Variants in LAMC2 observed in about 807,000 individuals in gnomAD.
LAMC2 encodes the protein laminin subunit gamma 2, also known as laminin subunit gamma-2.
LAMC2 carries 97 observed loss-of-function variants against 140.2 expected under a neutral mutation model. The ratio of observed to expected loss-of-function variants is 0.69; its 90% CI spans 0.59 to 0.82. The LOEUF is 0.82. Ranked by LOEUF, LAMC2 falls within the 40% of genes least tolerant of loss-of-function variation. The pLI, the probability that LAMC2 is intolerant of heterozygous loss-of-function variation, is 0.00. For synonymous variants in LAMC2, 513 were observed against 540.2 expected, an observed-to-expected ratio of 0.95 and a Z score of 0.70; for missense variants, 1,402 against 1,476.1, an observed-to-expected ratio of 0.95 and a Z score of 0.82.
chr1:183,216,252 G>C (rs1323326925), intron 3 of LAMC2, among the ~76,000 whole-genome samples: 1 of 152,170 alleles, frequency 6.6e-6, no homozygotes. Flanking sequence ...CATTGTCCCA[G>C]TTGTCAAGGT....
Position 183,232,912 on chromosome 1 carries a change from T to A in LAMC2, c.2220+55T>A. On this transcript the variant is annotated intron_variant, in intron 14 of 22. Transcript: ENST00000264144. Reference sequence around the variant, plus strand: ...AATACTGCTGTGTTGGGAGACCTACTTGTAGATCTCACTGACTCAATTTCT... The same window carrying A: ...AATACTGCTGTGTTGGGAGACCTACATGTAGATCTCACTGACTCAATTTCT... 1.3e-6 allele frequency: 2 copies of A among 1,487,108 alleles called. No individual in the cohort carries two copies. The highest frequency in any genetic ancestry group is 1.9e-6 in the Non-Finnish European group (2 of 1,066,140). 92.1% of individuals were successfully genotyped at this position (1,487,108 alleles called of 1,614,324 possible).
chr1:183,246,197 A>G (rs144301622), downstream of LAMC2, among the ~76,000 whole-genome samples: 30 of 151,380 alleles, frequency 2.0e-4, no homozygotes, highest in East Asian at 4.7e-3. Context: ...AGGTCGTAAG[A>G]CTGTCTTCCC....
In LAMC2 at chr1:183,230,623, ATAG is replaced by A. The variant is rs570778554; in HGVS notation, c.1715-337_1715-335del. ...TGAGCTCACATTCCTCATCTGCAAA[ATAG>A]AGGGGGATGTCTACATCTGGCACGT... On this transcript the variant is annotated intron_variant, in intron 11 of 22. Transcript: ENST00000264144. 4.0e-5 allele frequency among the ~76,000 whole-genome samples: 6 copies of A among 151,838 alleles called. No individual in the cohort carries two copies. In the East Asian group the frequency reaches 1.2e-3, roughly 30 times the overall value.
chr1:183,239,226 A>C, intron 19 of LAMC2, 138 bp from the exon 20 acceptor site: 1 of 830,010 alleles, frequency 1.2e-6, no homozygotes, highest in African/African-American at 1.7e-5. Context: ...AGTTAATTCC[A>C]GCCGTAACTT....
chr1:183,227,736 G>A, intron 10 of LAMC2, 39 bp downstream of exon 10: 1 of 1,583,212 alleles, frequency 6.3e-7, no homozygotes, highest in Non-Finnish European at 8.7e-7. Context: ...GCCTCTTCCT[G>A]TCCTGATGCC....
intron 7 of LAMC2, among the ~76,000 whole-genome samples, chr1:183,224,316 G>A (rs1034549223): frequency 4.6e-5 from 7 of 152,180 alleles, no homozygotes; most frequent in Non-Finnish European, 7.3e-5. Flanking sequence ...CATGCATAAG[G>A]AAGATGGGTA....
At chr1:183,192,863 CCTGA>C (rs1386247506) in intron 1 of LAMC2, among the ~76,000 whole-genome samples, 1 of 152,144 alleles carries the variant, frequency 6.6e-6, no homozygotes, top group Non-Finnish European at 1.5e-5. Flanking sequence ...CACCACCATG[CCTGA>C]CTAATTTTTT....
chr1:183,251,368 C>T, the LAMC2 span: 1 of 152,276 alleles, frequency 6.6e-6, no homozygotes, highest in Admixed American at 6.5e-5. Context: ...CATCAGTTAT[C>T]ATCAGGGCAA....
chr1:183,193,992 A>G (rs513398), intron 1 of LAMC2, among the ~76,000 whole-genome samples: 61,905 of 151,898 alleles, frequency 0.41, 13,465 homozygotes, highest in East Asian at 0.63. Flanking sequence ...GCTGGAGTGC[A>G]GTGGTGCAAT....
At chr1:183,213,052 T>C (rs937813145) in intron 2 of LAMC2, among the ~76,000 whole-genome samples, 23 of 152,206 alleles carry the variant, frequency 1.5e-4, no homozygotes, top group African/African-American at 5.5e-4. Context: ...TGCAGACTGC[T>C]CTAGAGTTCT....
At chr1:183,202,818 C>T (rs1658758713) in intron 1 of LAMC2, among the ~76,000 whole-genome samples, 1 of 152,170 alleles carries the variant, frequency 6.6e-6, no homozygotes, top group South Asian at 2.1e-4. Context: ...CATGTAAACT[C>T]CGTGAGGGCT....
chr1:183,232,159 C>T (rs1278703769), intron 12 of LAMC2, 28 bp from the exon 13 acceptor site: 6 of 1,612,794 alleles, frequency 3.7e-6, no homozygotes, highest in South Asian at 1.1e-5. Flanking sequence ...TCTCCACCCT[C>T]GTTCTGATCT....
intron 16 of LAMC2, 30 bp downstream of exon 16, chr1:183,235,760 A>C: frequency 6.2e-7 from 1 of 1,612,810 alleles, no homozygotes. Context: ...CCCGTGGCTC[A>C]TTATACCTTG....
At chr1:183,224,359 C>T (rs535725696) in intron 7 of LAMC2, among the ~76,000 whole-genome samples, 3 of 152,170 alleles carry the variant, frequency 2.0e-5, no homozygotes, top group Non-Finnish European at 4.4e-5. Context: ...AAGGACCCAT[C>T]ATGTTGGGCC....
Position 183,222,179 on chromosome 1 carries a change from A to G in LAMC2, c.731A>G (p.Gln244Arg). 3 of 1,614,168 alleles carry G rather than the reference A, an allele frequency of 1.9e-6. No individual in the cohort carries two copies. The highest frequency in any genetic ancestry group is 2.2e-5 in the East Asian group (1 of 44,866). Residue 244 changes from glutamine to arginine, a missense_variant, in exon 6 of 23, where the codon CAA (glutamine) becomes CGA (arginine). Around this residue, in one of 3 missense-constraint regions of LAMC2, gnomAD observed 723 missense variants for 783.3 expected, o/e 0.92. Transcript: ENST00000264144. ...CATCAAGATGTGTTTAGCTCAGCCCAACGACTAGACCCTGTCTATTTTGTG... is the reference window on the plus strand; with the variant it reads ...CATCAAGATGTGTTTAGCTCAGCCCGACGACTAGACCCTGTCTATTTTGTG... ...QRHQDVFSSA[Q>R]RLDPVYFVAP...
chr1:183,243,237 C>A lies in LAMC2; in HGVS notation c.3419C>A (p.Pro1140His), dbSNP rs750475647. Reference sequence around the variant, plus strand: ...ACCCAGATCAACAGCCAACTGCGGCCCATGATGTCAGAGCTGGAAGAGAGG... The same window carrying A: ...ACCCAGATCAACAGCCAACTGCGGCACATGATGTCAGAGCTGGAAGAGAGG... ...AKTQINSQLRPMMSELEERAR... is the reference protein window; with the variant it reads ...AKTQINSQLRHMMSELEERAR... The change falls in exon 23 of 23, where the codon CCC (proline) becomes CAC (histidine). Residue 1140 changes from proline to histidine, a missense_variant. This residue lies in a region of LAMC2 where 670 missense variants were observed against 667.2 expected (regional missense o/e 1.00). Coordinates refer to ENST00000264144, the MANE Select transcript of LAMC2 (RefSeq NM_005562.3). 1 of 1,614,102 alleles carries A rather than the reference C, an allele frequency of 6.2e-7. No individual in the cohort carries two copies. The highest frequency in any genetic ancestry group is 1.1e-5 in the South Asian group (1 of 91,082).
chr1:183,215,475 C>T lies in LAMC2; in HGVS notation c.291C>T (p.Asp97=), dbSNP rs1319694325. 4 of 1,614,132 alleles carry T rather than the reference C, an allele frequency of 2.5e-6. No homozygotes were observed. In the South Asian group the frequency reaches 3.3e-5, roughly 13 times the overall value. The change falls in exon 3 of 23, where the codon GAC becomes GAT. Residue 97 remains aspartate (D), a synonymous_variant. Transcript: ENST00000264144. ...NSKGSLSARC[D]NSGRCSCKPG... is the part of the protein sequence containing the mutation. Reference sequence around the variant, plus strand: ...CAGGTTCTCTTAGTGCTCGATGTGACAACTCCGGACGGTGCAGCTGTAAAC... The same window carrying T: ...CAGGTTCTCTTAGTGCTCGATGTGATAACTCCGGACGGTGCAGCTGTAAAC...
At chr1:183,231,217 G>A in intron 12 of LAMC2, 114 bp downstream of exon 12, 3 of 1,203,746 alleles carry the variant, frequency 2.5e-6, no homozygotes, top group Non-Finnish European at 3.7e-6. Flanking sequence ...GATGGGAGTA[G>A]TGATTACTAT....
chr1:183,223,262 A>G lies in LAMC2; in HGVS notation c.891A>G (p.Thr297=), dbSNP rs1659528580. The G allele has an allele frequency of 1.2e-6, 2 of 1,614,218 alleles. No homozygotes were observed. The highest frequency in any genetic ancestry group is 2.7e-5 in the African/African-American group (2 of 75,058). ...TGGAAGGTGCTGGTCTACGGATCAC[A>G]GCTCCCTTGATGCCACTTGGCAAGA... ...VILEGAGLRI[T]APLMPLGKTL... Residue 297 remains threonine, a synonymous_variant, in exon 7 of 23, where the codon ACA becomes ACG. Transcript: ENST00000264144.
Sources: gnomAD v4.1 joint callset for allele counts (sites outside exome capture counted in the v4.1 genomes callset) on GRCh38, gnomAD v4.1.1 for gene constraint, gnomAD v4.1.1 regional missense constraint, MANE v1.5 for transcripts, NCBI Gene and HGNC (gene_info 2026-07-23, HGNC 2026-07-21) for gene names.